MEIS1: variants seen among roughly 807,000 people sequenced by gnomAD.
MEIS1 encodes Meis homeobox 1, also known as homeobox protein Meis1.
Under a neutral mutation model 50.8 loss-of-function variants are expected in MEIS1, and 5 were observed. The observed-to-expected ratio is 0.10, with a 90% confidence interval of 0.05 to 0.21. MEIS1 has a LOEUF of 0.21. Ranked by LOEUF, MEIS1 falls within the 10% of genes least tolerant of loss-of-function variation. MEIS1 has a pLI of 1.00. For missense variants in MEIS1, 318 were observed against 517.3 expected (o/e 0.61, Z 3.74); for synonymous variants, 176 against 179.3 (o/e 0.98, Z 0.15).
At chr2:66,523,663 C>T (rs992474142) in intron 8 of MEIS1, among the ~76,000 whole-genome samples, 2 of 152,110 alleles carry the variant, frequency 1.3e-5, no homozygotes, top group Non-Finnish European at 2.9e-5. Context: ...TGCTCAGAGC[C>T]TTTGGAAAAA....
At chr2:66,500,604 T>C (rs184548920) in intron 7 of MEIS1, among the ~76,000 whole-genome samples, 1 of 152,056 alleles carries the variant, frequency 6.6e-6, no homozygotes, top group Non-Finnish European at 1.5e-5. Context: ...TTTGTATTTT[T>C]AGTAGAGGCA....
intron 8 of MEIS1, among the ~76,000 whole-genome samples, chr2:66,515,492 A>G (rs1177309745): frequency 6.6e-6 from 1 of 152,162 alleles, no homozygotes; most frequent in African/African-American, 2.4e-5. Context: ...CCACAGGTAG[A>G]CTTAATCAGT....
intron 8 of MEIS1, among the ~76,000 whole-genome samples, chr2:66,524,500 A>C (rs1674201175): frequency 6.6e-6 from 1 of 152,106 alleles, no homozygotes; most frequent in Non-Finnish European, 1.5e-5. Context: ...GTTAGGCTGC[A>C]GTGAGCCAAG....
At chr2:66,513,524 T>C (rs987499539) in intron 8 of MEIS1, among the ~76,000 whole-genome samples, 1 of 151,398 alleles carries the variant, frequency 6.6e-6, no homozygotes, top group Non-Finnish European at 1.5e-5. Flanking sequence ...CTAATAATAC[T>C]CAAGGGTATA....
intron 9 of MEIS1, among the ~76,000 whole-genome samples, chr2:66,551,242 C>G (rs1255387880): frequency 6.6e-6 from 1 of 152,160 alleles, no homozygotes; most frequent in East Asian, 1.9e-4. Context: ...GGTTCTTTCA[C>G]TTCATCACTG....
In MEIS1 at chr2:66,519,848, C is replaced by T. The variant is rs1572872898; in HGVS notation, c.888+7554C>T. On this transcript the variant is annotated intron_variant, in intron 8 of 12. Transcript: ENST00000272369. ...TTGGTAACTGCTTGAATTTGAATGTCCTGTTGGCATGATCTCTTAAAAAAT... is the reference window on the plus strand; with the variant it reads ...TTGGTAACTGCTTGAATTTGAATGTTCTGTTGGCATGATCTCTTAAAAAAT... Among the ~76,000 whole-genome samples the T allele has an allele frequency of 2.0e-5, 3 of 152,074 alleles. No individual in the cohort carries two copies. The South Asian group carries it at 6.2e-4, about 32-fold the overall frequency.
intron 6 of MEIS1, among the ~76,000 whole-genome samples, chr2:66,458,373 C>T (rs1672443227): frequency 6.6e-6 from 1 of 152,126 alleles, no homozygotes. Context: ...TCCCTGAGCA[C>T]ACAGCAGCTG....
intron 8 of MEIS1, among the ~76,000 whole-genome samples, chr2:66,541,725 C>T (rs563655427): frequency 4.6e-5 from 7 of 152,326 alleles, no homozygotes; most frequent in African/African-American, 1.7e-4. Flanking sequence ...TGATGATGCT[C>T]CAAACATTTC....
chr2:66,457,285 A>G (rs919670374), intron 6 of MEIS1, among the ~76,000 whole-genome samples: 2 of 151,778 alleles, frequency 1.3e-5, no homozygotes, highest in African/African-American at 2.4e-5. Flanking sequence ...CTAGCAAATT[A>G]TAGGTGCTCA....
chr2:66,568,763 CTT>C lies in MEIS1; in HGVS notation c.1114+9_1114+10del, dbSNP rs767614959. Reference sequence around the variant, plus strand: ...ATGGGAATTAGAGCACCAGGTAAGACTTTGTTTTTGTGGTAGTTCCTCATTTT... The same window carrying C: ...ATGGGAATTAGAGCACCAGGTAAGACTGTTTTTGTGGTAGTTCCTCATTTT... On this transcript the variant is annotated splice_region_variant and intron_variant, in intron 11 of 12. Coordinates refer to ENST00000272369, the MANE Select transcript of MEIS1 (RefSeq NM_002398.3). The C allele has an allele frequency of 1.2e-6, 2 of 1,612,816 alleles. No individual in the cohort carries two copies. The highest frequency in any genetic ancestry group is 1.7e-6 in the Non-Finnish European group (2 of 1,178,852).
intron 8 of MEIS1, among the ~76,000 whole-genome samples, chr2:66,544,182 C>A (rs2103922662): frequency 6.6e-6 from 1 of 152,210 alleles, no homozygotes; most frequent in Non-Finnish European, 1.5e-5. Context: ...CTCACTAGAC[C>A]TGTGGGCAGA....
chr2:66,571,257 A>G lies in MEIS1; in HGVS notation c.*49A>G, dbSNP rs753287036. 1.3e-6 allele frequency: 2 copies of G among 1,588,652 alleles called. No individual in the cohort carries two copies. The highest frequency in any genetic ancestry group is 2.3e-5 in the East Asian group (1 of 43,812). ...TGAATTTCTTACAGGGCTGCAAAGT[A>G]TGCCAGGGGAGTATGTAGCCCGGGG... is the stretch of plus-strand genomic sequence containing the variant. On this transcript the variant is annotated 3_prime_UTR_variant, in exon 13 of 13. Transcript: ENST00000272369.
chr2:66,542,315 C>T (rs1228465407), intron 8 of MEIS1, among the ~76,000 whole-genome samples: 1 of 151,964 alleles, frequency 6.6e-6, no homozygotes, highest in Non-Finnish European at 1.5e-5. Context: ...AGTATCTCCC[C>T]ATCACATACC....
At chr2:66,498,423 A>G (rs1232908238) in intron 7 of MEIS1, among the ~76,000 whole-genome samples, 2 of 152,140 alleles carry the variant, frequency 1.3e-5, no homozygotes, top group Non-Finnish European at 2.9e-5. Context: ...AGCCCAGACA[A>G]AGAACCCAAG....
chr2:66,495,080 C>CTTTTTTTTTTTTTTTTTTTTTTTTT lies in MEIS1; in HGVS notation c.743-17065_743-17041dup, dbSNP rs70943701. ...GAATGCCCACTTTCCCTCTTCTGAC[C>CTTTTTTTTTTTTTTTTTTTTTTTTT]TTTTTTTTTTTTTTTTTTTTTTTTT... On this transcript the variant is annotated intron_variant, in intron 7 of 12. Coordinates refer to ENST00000272369, the MANE Select transcript of MEIS1 (RefSeq NM_002398.3). Among the ~76,000 whole-genome samples, 6 of 91,492 alleles carry CTTTTTTTTTTTTTTTTTTTTTTTTT rather than the reference C, an allele frequency of 6.6e-5. 2 individuals carry two copies. Among genetic ancestry groups the CTTTTTTTTTTTTTTTTTTTTTTTTT allele is most frequent in the Non-Finnish European group, 1.0e-4 (5 of 48,552 alleles). The allele number at this position is 91,492 out of a possible 152,430, so 60.0% of individuals were successfully genotyped here. A position where few individuals can be genotyped will look rare whatever the true frequency, so the allele number is the denominator to read the frequency against.
At chr2:66,469,438 G>T (rs780892403) in intron 7 of MEIS1, among the ~76,000 whole-genome samples, 1 of 152,138 alleles carries the variant, frequency 6.6e-6, no homozygotes, top group Non-Finnish European at 1.5e-5. Context: ...GGCCTGAGAG[G>T]GGGTGGGGAG....
chr2:66,562,510 G>C (rs1324789577), intron 9 of MEIS1, among the ~76,000 whole-genome samples: 1 of 151,786 alleles, frequency 6.6e-6, no homozygotes, highest in Non-Finnish European at 1.5e-5. Flanking sequence ...CATTCTCCTT[G>C]TCAGATTCCT....
At chr2:66,475,350 A>G (rs955274788) in intron 7 of MEIS1, among the ~76,000 whole-genome samples, 2 of 147,558 alleles carry the variant, frequency 1.4e-5, no homozygotes, top group African/African-American at 4.9e-5. Flanking sequence ...ATATTTATAT[A>G]TGCATAAATA....
chr2:66,458,747 C>G (rs1243406240), intron 6 of MEIS1, among the ~76,000 whole-genome samples: 1 of 152,038 alleles, frequency 6.6e-6, no homozygotes, highest in Non-Finnish European at 1.5e-5. Context: ...GAGTATTAAT[C>G]TATTTTTATA....
Sources: allele counts gnomAD v4.1 joint callset (sites outside exome capture counted in the v4.1 genomes callset), GRCh38; gene constraint gnomAD v4.1.1; transcripts MANE v1.5; gene names NCBI Gene and HGNC (gene_info 2026-07-23, HGNC 2026-07-21).